The following TBC1D2 variants were observed in gnomAD, a reference collection of about 807,000 sequenced individuals.
TBC1D2 encodes the protein TBC1 domain family member 2A.
Under a neutral mutation model 91.1 loss-of-function variants are expected in TBC1D2, and 58 were observed. The observed-to-expected ratio is 0.64, with a 90% CI of 0.52 to 0.79. The LOEUF (loss-of-function observed/expected upper bound fraction) is 0.79. Ranked by LOEUF, TBC1D2 falls within the 30% of genes least tolerant of loss-of-function variation. TBC1D2 has a pLI of 0.00. For missense variants in TBC1D2, 1,080 were observed against 1,208.3 expected (o/e 0.89, Z 1.57); for synonymous variants, 482 against 511.5 (o/e 0.94, Z 0.78).
chr9:98,226,485 C>T lies in TBC1D2; in HGVS notation c.978+2467G>A, dbSNP rs759992925. On this transcript the variant is annotated intron_variant, in intron 5 of 12. Transcript: ENST00000465784. ...TGGGCACAGGTCTCTCCAGTAAACA[C>T]GGCTGCAACTCCATTTACAGAAGAG... is the stretch of plus-strand genomic sequence containing the variant. Among the ~76,000 whole-genome samples the T allele has an allele frequency of 7.9e-5, 12 of 152,156 alleles. 1 individual carries two copies. Among genetic ancestry groups the T allele is most frequent in the African/African-American group, 1.4e-4 (6 of 41,430 alleles).
Position 98,220,743 on chromosome 9 carries a change from A to G in TBC1D2, c.1374+90T>C, listed in dbSNP as rs117563140. ...ATGAAGGGGTATCCCCACTCCACCT[A>G]GCAAACCCTTAGGGGTGGAGAGCGC... On this transcript the variant is annotated intron_variant, in intron 6 of 12. Coordinates refer to ENST00000465784, the MANE Select transcript of TBC1D2 (RefSeq NM_001267571.2). The G allele has an allele frequency of 2.2e-4, 338 of 1,507,174 alleles. No homozygotes were observed. The East Asian group carries it at 7.5e-3, about 33-fold the overall frequency. The allele number at this position is 1,507,174 out of a possible 1,614,324, so 93.4% of individuals were successfully genotyped here.
chr9:98,251,846 T>G lies in TBC1D2; in HGVS notation c.450A>C (p.Ala150=), dbSNP rs1229503955. 7 of 1,604,720 alleles carry G rather than the reference T, an allele frequency of 4.4e-6. No homozygotes were observed. The highest frequency in any genetic ancestry group is 6.0e-6 in the Non-Finnish European group (7 of 1,176,196). ...KRWEFHNSPP[A]PPATPDAALA... is the part of the protein sequence containing the mutation. ...GGGCGGCATCAGGGGTGGCAGGAGG[T>G]GCCGGCGGGCTGTTGTGGAATTCCC... Residue 150 remains alanine, a synonymous_variant, in exon 2 of 13, where the codon GCA becomes GCC. Coordinates refer to ENST00000465784, the MANE Select transcript of TBC1D2 (RefSeq NM_001267571.2).
At chr9:98,213,538 C>T in intron 6 of TBC1D2, 1 of 530,694 alleles carries the variant, frequency 1.9e-6, no homozygotes, top group Non-Finnish European at 2.7e-6. Flanking sequence ...ACCAACTAAC[C>T]TACTGGGCAG....
At chr9:98,247,218 T>A (rs1280047178) in intron 2 of TBC1D2, among the ~76,000 whole-genome samples, 3 of 151,748 alleles carry the variant, frequency 2.0e-5, no homozygotes, top group African/African-American at 7.3e-5. Flanking sequence ...TCCCAGCTAC[T>A]TGGGAGGCTG....
chr9:98,244,040 G>A lies in TBC1D2; in HGVS notation c.601C>T (p.Pro201Ser), dbSNP rs1829709495. The change falls in exon 3 of 13, where the codon CCT becomes TCT. Residue 201 changes from proline to serine, a missense_variant. Coordinates refer to ENST00000465784, the MANE Select transcript of TBC1D2 (RefSeq NM_001267571.2). Reference protein sequence around the residue: ...VGVAAALQPFPALQNISLKHL... With the variant: ...VGVAAALQPFSALQNISLKHL... ...TTGAGGGAAATATTCTGAAGGGCAGGGAAGGGCTGCAAGGCAGCTGCCACG... is the reference window on the plus strand; with the variant it reads ...TTGAGGGAAATATTCTGAAGGGCAGAGAAGGGCTGCAAGGCAGCTGCCACG... The A allele has an allele frequency of 2.5e-6, 4 of 1,611,766 alleles. No homozygotes were observed. The highest frequency in any genetic ancestry group is 3.4e-6 in the Non-Finnish European group (4 of 1,179,064).
At chr9:98,221,335 A>G (rs1829098038) in intron 5 of TBC1D2, 107 bp from the exon 6 acceptor site, 1 of 1,338,890 alleles carries the variant, frequency 7.5e-7, no homozygotes. Context: ...AGAGGTGCCC[A>G]GCAGCATCCC....
At chr9:98,243,929 G>A (rs1829705941) in intron 3 of TBC1D2, 65 bp downstream of exon 3, 3 of 1,558,438 alleles carry the variant, frequency 1.9e-6, no homozygotes, top group African/African-American at 1.4e-5. Context: ...GAATCACAGT[G>A]GGTCAAGCTC....
chr9:98,220,784 TG>T, intron 6 of TBC1D2, 48 bp downstream of exon 6: 6 of 1,599,832 alleles, frequency 3.8e-6, no homozygotes, highest in Non-Finnish European at 3.4e-6. Context: ...CCCTGAGGGC[TG>T]GGACAGAGGA....
intron 11 of TBC1D2, 47 bp from the exon 12 acceptor site, chr9:98,200,421 G>A (rs1240985224): frequency 1.3e-6 from 2 of 1,552,648 alleles, no homozygotes; most frequent in South Asian, 2.3e-5. Flanking sequence ...GGGCCAGGCA[G>A]GTCATCCCCG....
chr9:98,212,765 A>C (rs1294321539), intron 7 of TBC1D2, among the ~76,000 whole-genome samples: 2 of 152,016 alleles, frequency 1.3e-5, no homozygotes, highest in Non-Finnish European at 2.9e-5. Context: ...CGGCCTCCTA[A>C]AGTGCTGGGA....
In TBC1D2 at chr9:98,209,379, T is replaced by C. The variant is rs1828752833; in HGVS notation, c.1674-235A>G. Among the ~76,000 whole-genome samples the C allele has an allele frequency of 2.6e-5, 4 of 152,186 alleles. No homozygotes were observed. The South Asian group carries it at 6.2e-4, about 24-fold the overall frequency. On this transcript the variant is annotated intron_variant, in intron 8 of 12. Transcript: ENST00000465784. ...CCCAACGAGATCCTCTGTTGTAAGA[T>C]GCTGGGGGCCTAGATAGTGCCTGGT...
At chr9:98,246,296 G>A (rs1262236591) in intron 2 of TBC1D2, among the ~76,000 whole-genome samples, 1 of 152,150 alleles carries the variant, frequency 6.6e-6, no homozygotes, top group African/African-American at 2.4e-5. Flanking sequence ...CAAAAAGGGT[G>A]TGGGTATAAA....
Position 98,229,021 on chromosome 9 carries a change from A to G in TBC1D2, c.909T>C (p.Thr303=). 2 of 1,614,216 alleles carry G rather than the reference A, an allele frequency of 1.2e-6. No homozygotes were observed. Among genetic ancestry groups the G allele is most frequent in the Non-Finnish European group, 1.7e-6 (2 of 1,180,042 alleles). Reference sequence around the variant, plus strand: ...CCAAGGCTGCCACTTTCTCCTGGGCAGTTCGGTTCCGTGTGATTCCTTCAG... The same window carrying G: ...CCAAGGCTGCCACTTTCTCCTGGGCGGTTCGGTTCCGTGTGATTCCTTCAG... The part of the protein sequence containing the change: ...FFSEGITRNR[T]AQEKVAALEQ... The change falls in exon 5 of 13, where the codon ACT becomes ACC. Residue 303 remains threonine, a synonymous_variant. Coordinates refer to ENST00000465784, the MANE Select transcript of TBC1D2 (RefSeq NM_001267571.2).
intron 6 of TBC1D2, among the ~76,000 whole-genome samples, chr9:98,216,497 G>T (rs1212036246): frequency 6.6e-6 from 1 of 152,194 alleles, no homozygotes; most frequent in African/African-American, 2.4e-5. Flanking sequence ...CACACACAGA[G>T]AAAGTAAGTT....
intron 7 of TBC1D2, 29 bp from the exon 8 acceptor site, chr9:98,210,872 A>C (rs2119035427): frequency 6.5e-7 from 1 of 1,540,062 alleles, no homozygotes; most frequent in East Asian, 2.5e-5. Flanking sequence ...TGGTCAGGCT[A>C]CCGGGTGGGA....
rs1828455064 is a variant in TBC1D2 at position 98,200,312 on chromosome 9, C to G, written c.2520G>C (p.Gln840His). The G allele has an allele frequency of 1.2e-6, 2 of 1,613,600 alleles. No individual in the cohort carries two copies. The highest frequency in any genetic ancestry group is 1.1e-5 in the South Asian group (1 of 91,032). The change falls in exon 12 of 13, where the codon CAG becomes CAC. Residue 840 changes from glutamine to histidine, a missense_variant. Physicochemically the swap from Gln to His is conservative, Grantham distance 24 (BLOSUM62 0). Transcript: ENST00000465784. ...GGTACTGGTAGATTTCCAGGCCATT[C>G]TGTAGCCTCAAGATCTCCTTCTCGT... ...KYNEKEILRL[Q>H]NGLEIYQYLR...
Position 98,203,230 on chromosome 9 carries a change from G to A in TBC1D2, c.2271+58C>T, listed in dbSNP as rs1828556882. On this transcript the variant is annotated intron_variant, in intron 10 of 12. Transcript: ENST00000465784. ...TTTCCTGAGAGTCACAGGCTTCTAG[G>A]AACAGCTCTGGGGCACTGCCCTACA... 4 of 1,598,258 alleles carry A rather than the reference G, an allele frequency of 2.5e-6. No individual in the cohort carries two copies. The South Asian group carries it at 3.4e-5, about 13-fold the overall frequency.
At chr9:98,241,560 G>T (rs1829637118) in intron 3 of TBC1D2, among the ~76,000 whole-genome samples, 1 of 152,190 alleles carries the variant, frequency 6.6e-6, no homozygotes, top group East Asian at 1.9e-4. Flanking sequence ...GAGGGAAGTT[G>T]CTCTATGACC....
chr9:98,213,157 G>A lies in TBC1D2; in HGVS notation c.1436C>T (p.Thr479Ile), dbSNP rs140641983. ...CTCAGCCACCTTTCTCCAGATCTTT[G>A]TGACCTGGTGGATCTCGGAGTTGAG... ...CFLNSEIHQV[T>I]KIWRKVAEKE... The change falls in exon 7 of 13, where the codon ACA (threonine) becomes ATA (isoleucine). Residue 479 changes from threonine (T) to isoleucine (I), a missense_variant. Thr to Ile is a moderately conservative substitution (Grantham distance 89). Coordinates refer to ENST00000465784, the MANE Select transcript of TBC1D2 (RefSeq NM_001267571.2). The A allele has an allele frequency of 7.0e-4, 1,135 of 1,614,162 alleles. 3 individuals are homozygous for A. In the African/African-American group the frequency reaches 0.013, roughly 19 times the overall value.
Sources: gnomAD v4.1 joint callset for allele counts (sites outside exome capture counted in the v4.1 genomes callset) on GRCh38, gnomAD v4.1.1 for gene constraint, MANE v1.5 for transcripts, NCBI Gene and HGNC (gene_info 2026-07-23, HGNC 2026-07-21) for gene names.